The following STK17A variants were observed in gnomAD, a reference collection of about 807,000 sequenced individuals.
STK17A encodes the protein serine/threonine-protein kinase 17A.
STK17A carries 26 observed loss-of-function variants against 43.7 expected under a neutral mutation model. The observed-to-expected ratio is 0.60, with a 90% confidence interval of 0.44 to 0.83. The LOEUF is 0.83. STK17A is among the 40% of genes least tolerant of loss of function. The pLI, the probability that STK17A is intolerant of heterozygous loss-of-function variation, is 0.00. For missense variants in STK17A, 476 were observed against 511.6 expected, an observed-to-expected ratio of 0.93 and a Z score of 0.67; for synonymous variants, 191 against 182.5, an observed-to-expected ratio of 1.05 and a Z score of -0.38.
intron 2 of STK17A, among the ~76,000 whole-genome samples, chr7:43,606,230 A>G (rs1489680567): frequency 1.3e-5 from 2 of 152,004 alleles, no homozygotes; most frequent in Non-Finnish European, 2.9e-5. Context: ...AACATATTTG[A>G]TGGTTTGTTG....
At chr7:43,589,631 A>T (rs1353452745) in intron 1 of STK17A, among the ~76,000 whole-genome samples, 1 of 152,170 alleles carries the variant, frequency 6.6e-6, no homozygotes, top group East Asian at 1.9e-4. Flanking sequence ...TTTACACAGT[A>T]CCTATATTAA....
chr7:43,583,972 T>C (rs2152969972), intron 1 of STK17A, among the ~76,000 whole-genome samples: 1 of 152,330 alleles, frequency 6.6e-6, no homozygotes, highest in African/African-American at 2.4e-5. Flanking sequence ...GTTTTCTTGG[T>C]TGGTTTTCTG....
At chr7:43,622,436 C>G (rs1015631611) in intron 4 of STK17A, 2 of 151,874 alleles carry the variant, frequency 1.3e-5, no homozygotes, top group African/African-American at 4.8e-5. Context: ...AGAACATTTT[C>G]ATTCCTTTTT....
intron 2 of STK17A, among the ~76,000 whole-genome samples, chr7:43,603,856 C>A (rs939548541): frequency 6.6e-6 from 1 of 152,122 alleles, no homozygotes; most frequent in Non-Finnish European, 1.5e-5. Context: ...TATCTTCAGG[C>A]TATGTATGTA....
chr7:43,595,267 CTTTTT>C (rs57811536), intron 1 of STK17A, among the ~76,000 whole-genome samples: 4 of 88,360 alleles, frequency 4.5e-5, no homozygotes, highest in South Asian at 7.9e-4. Context: ...AATCAAATGG[CTTTTT>C]TTTTTTTTTT....
Position 43,623,898 on chromosome 7 carries a change from AT to A in STK17A, c.920+15del, listed in dbSNP as rs746146781. ...TAGTTAAGAAACCTGAGTAAGTATT[AT>A]TTTTATTAGTTTAATATTGAACTAA... is the stretch of plus-strand genomic sequence containing the variant. On this transcript the variant is annotated intron_variant, in intron 6 of 6. Coordinates refer to ENST00000319357, the MANE Select transcript of STK17A (RefSeq NM_004760.3). The A allele has an allele frequency of 9.5e-6, 14 of 1,478,750 alleles. No homozygotes were observed. Among genetic ancestry groups the A allele is most frequent in the Non-Finnish European group, 1.2e-5 (14 of 1,120,638 alleles). 91.6% of individuals were successfully genotyped at this position (1,478,750 alleles called of 1,614,324 possible).
chr7:43,624,422 A>T, intron 6 of STK17A, 96 bp from the exon 7 acceptor site: 5 of 1,256,672 alleles, frequency 4.0e-6, no homozygotes, highest in Non-Finnish European at 5.2e-6. Context: ...AACTTGTCAG[A>T]CTTCCCAAAA....
At chr7:43,588,905 C>T (rs1350383433) in intron 1 of STK17A, among the ~76,000 whole-genome samples, 2 of 151,502 alleles carry the variant, frequency 1.3e-5, no homozygotes, top group African/African-American at 4.8e-5. Context: ...CATAAAAGCA[C>T]TACCTTAGGC....
intron 2 of STK17A, among the ~76,000 whole-genome samples, chr7:43,605,410 CAGTGTTT>C (rs1161330427): frequency 6.6e-6 from 1 of 152,174 alleles, no homozygotes; most frequent in Non-Finnish European, 1.5e-5. Flanking sequence ...TTCGTTGCCC[CAGTGTTT>C]AGAGTGGCTT....
At position 43,627,158 on chromosome 7, in the gene STK17A, CGTT is replaced by C. The variant is rs971706887; in HGVS notation, c.*2320_*2322del. On this transcript the variant is annotated 3_prime_UTR_variant, in exon 7 of 7. Transcript: ENST00000319357. ...TCAACAATATTTTGGTGTGGTGAAACGTTGTTTATGAAATGTATAAAATGTATA... is the reference window on the plus strand; with the variant it reads ...TCAACAATATTTTGGTGTGGTGAAACGTTTATGAAATGTATAAAATGTATA... 2.6e-5 allele frequency among the ~76,000 whole-genome samples: 4 copies of C among 152,096 alleles called. No individual in the cohort carries two copies. The highest frequency in any genetic ancestry group is 2.1e-4 in the South Asian group (1 of 4,830).
In STK17A at chr7:43,627,082, A is replaced by G. The variant is rs1262327906; in HGVS notation, c.*2240A>G. Among the ~76,000 whole-genome samples, 1 of 152,256 alleles carries G rather than the reference A, an allele frequency of 6.6e-6. No homozygotes were observed. Among genetic ancestry groups the G allele is most frequent in the Non-Finnish European group, 1.5e-5 (1 of 68,034 alleles). ...TCTATCACCAAATTTATAAAGGACT[A>G]AACAGTACTATTGAGTTTACTCGGT... On this transcript the variant is annotated 3_prime_UTR_variant, in exon 7 of 7. Transcript: ENST00000319357.
chr7:43,595,764 A>G (rs1275949626), intron 1 of STK17A, 137 bp from the exon 2 acceptor site: 2 of 690,204 alleles, frequency 2.9e-6, no homozygotes, highest in African/African-American at 3.6e-5. Context: ...ATAAATTTCT[A>G]AGTGATGTTT....
At chr7:43,607,669 A>G (rs1037511383) in intron 2 of STK17A, among the ~76,000 whole-genome samples, 2 of 150,326 alleles carry the variant, frequency 1.3e-5, no homozygotes, top group South Asian at 2.1e-4. Context: ...AAAAAAAAAA[A>G]GCAAGAATGG....
Position 43,624,648 on chromosome 7 carries a change from G to A in STK17A, c.1051G>A (p.Glu351Lys), listed in dbSNP as rs759234453. The change falls in exon 7 of 7, where the codon GAA (glutamate) becomes AAA (lysine). Residue 351 changes from glutamate (E) to lysine (K), a missense_variant. Transcript: ENST00000319357. ...NALQEGHSVP[E>K]INSDTDKSET... ...CCTCCAAGAAGGTCATTCTGTGCCT[G>A]AAATTAATTCGGATACCGACAAATC... 1.2e-6 allele frequency: 2 copies of A among 1,614,090 alleles called. No individual in the cohort carries two copies. Among genetic ancestry groups the A allele is most frequent in the Non-Finnish European group, 1.7e-6 (2 of 1,180,000 alleles).
At chr7:43,608,537 C>T (rs571553932) in intron 3 of STK17A, 137 bp downstream of exon 3, 2 of 990,350 alleles carry the variant, frequency 2.0e-6, no homozygotes. Flanking sequence ...AGTCTTTACT[C>T]CTATCCTCTA....
chr7:43,608,876 T>C (rs2082652603), intron 3 of STK17A: 2 of 152,374 alleles, frequency 1.3e-5, no homozygotes, highest in African/African-American at 4.8e-5. Flanking sequence ...GCCAGGAATA[T>C]TCGAGAAGCA....
chr7:43,604,128 A>G (rs1454253660), intron 2 of STK17A, among the ~76,000 whole-genome samples: 2 of 152,158 alleles, frequency 1.3e-5, no homozygotes, highest in Non-Finnish European at 2.9e-5. Context: ...GCACTATGCT[A>G]AGTCTTCCAG....
rs747435161 is a variant in STK17A, at chr7:43,623,654, G to A, written c.740+34G>A. Reference sequence around the variant, plus strand: ...TATTAATGAAAAATTGATCAAATTAGTTTCAAGAAATGAGTATGGTACTAA... The same window carrying A: ...TATTAATGAAAAATTGATCAAATTAATTTCAAGAAATGAGTATGGTACTAA... On this transcript the variant is annotated intron_variant, in intron 5 of 6. Transcript: ENST00000319357. 5.0e-6 allele frequency: 8 copies of A among 1,607,628 alleles called. 1 individual carries two copies. In the South Asian group the frequency reaches 9.0e-5, roughly 18 times the overall value.
In STK17A at chr7:43,583,232, G is replaced by C. The variant is rs778348491; in HGVS notation, c.-12G>C. The C allele has an allele frequency of 6.4e-7, 1 of 1,555,400 alleles. No individual in the cohort carries two copies. Among genetic ancestry groups the C allele is most frequent in the Non-Finnish European group, 8.7e-7 (1 of 1,152,732 alleles). On this transcript the variant is annotated 5_prime_UTR_variant, in exon 1 of 7. Coordinates refer to ENST00000319357, the MANE Select transcript of STK17A (RefSeq NM_004760.3). ...TGAACAGGCGGCCAGGAAAGAAGCG[G>C]GCCTGAACACCATGATCCCTTTGGA...
Sources: allele counts gnomAD v4.1 joint callset (sites outside exome capture counted in the v4.1 genomes callset), GRCh38; gene constraint gnomAD v4.1.1; transcripts MANE v1.5; gene names NCBI Gene and HGNC (gene_info 2026-07-23, HGNC 2026-07-21).